ASB3: variants seen among roughly 807,000 people sequenced by gnomAD.
ASB3 encodes ankyrin repeat and SOCS box protein 3.
Under a neutral mutation model 54.5 loss-of-function variants are expected in ASB3, and 41 were observed. The ratio of observed to expected loss-of-function variants is 0.75; its 90% CI spans 0.59 to 0.98. The LOEUF is 0.98. Among genes scored for constraint, ASB3 ranks in the 50% least tolerant of loss-of-function variants. The pLI, the probability that ASB3 is intolerant of heterozygous loss-of-function variation, is 0.00. For synonymous variants in ASB3, 266 were observed against 221.2 expected, an observed-to-expected ratio of 1.20 and a Z score of -1.80; for missense variants, 733 against 620.0, an observed-to-expected ratio of 1.18 and a Z score of -1.94.
chr2:53,732,061 C>T (rs72901256), intron 3 of ASB3, among the ~76,000 whole-genome samples: 12,821 of 152,106 alleles, frequency 0.084, 603 homozygotes, highest in East Asian at 0.15. Context: ...GGGTTTCATG[C>T]GATTCTTCTG....
chr2:53,686,759 C>T (rs974404212), intron 9 of ASB3, among the ~76,000 whole-genome samples: 12 of 151,978 alleles, frequency 7.9e-5, no homozygotes, highest in Admixed American at 3.3e-4. Flanking sequence ...TCTTGTTGCC[C>T]GGGCTGGAGT....
rs1421388513 is a variant in ASB3 at position 53,670,486 on chromosome 2, T to A, written c.*17A>T. Reference sequence around the variant, plus strand: ...TTTCAGAGAAAAAAATTAGCTGTGTTAAGTAGTTTCACTGATTTATCCATC... The same window carrying A: ...TTTCAGAGAAAAAAATTAGCTGTGTAAAGTAGTTTCACTGATTTATCCATC... On this transcript the variant is annotated 3_prime_UTR_variant, in exon 10 of 10. Coordinates refer to ENST00000263634, the MANE Select transcript of ASB3 (RefSeq NM_016115.5). The A allele has an allele frequency of 6.2e-7, 1 of 1,609,756 alleles. No homozygotes were observed. The highest frequency in any genetic ancestry group is 1.1e-5 in the South Asian group (1 of 90,272).
intron 1 of ASB3, among the ~76,000 whole-genome samples, chr2:53,782,296 G>C (rs1265791040): frequency 6.6e-6 from 1 of 152,154 alleles, no homozygotes; most frequent in African/African-American, 2.4e-5. Context: ...ATTCATTCTG[G>C]AAGAGAAAGC....
chr2:53,744,869 A>G (rs1209519820), intron 3 of ASB3, among the ~76,000 whole-genome samples: 1 of 152,236 alleles, frequency 6.6e-6, no homozygotes, highest in Non-Finnish European at 1.5e-5. Flanking sequence ...TTACAGTTAA[A>G]TATTGAAATA....
chr2:53,784,177 G>GTATATTTAATTGTATAAT (rs1674808081), intron 1 of ASB3, among the ~76,000 whole-genome samples: 1 of 152,136 alleles, frequency 6.6e-6, no homozygotes, highest in Non-Finnish European at 1.5e-5. Context: ...TTACAATATG[G>GTATATTTAATTGTATAAT]TAAATAGTTG....
chr2:53,721,394 AC>A (rs1173862042), intron 5 of ASB3, among the ~76,000 whole-genome samples: 1 of 130,268 alleles, frequency 7.7e-6, no homozygotes. Flanking sequence ...TCTCTACTAA[AC>A]TACAAAAAAA....
intron 1 of ASB3, among the ~76,000 whole-genome samples, chr2:53,776,940 A>C (rs537459233): frequency 4.6e-5 from 7 of 152,256 alleles, no homozygotes; most frequent in African/African-American, 1.7e-4. Flanking sequence ...AAAATACCAA[A>C]ATTTTTCTTC....
At chr2:53,754,990 A>C (rs560172658) in intron 2 of ASB3, among the ~76,000 whole-genome samples, 1 of 152,256 alleles carries the variant, frequency 6.6e-6, no homozygotes, top group Non-Finnish European at 1.5e-5. Context: ...TCCCTTCTCT[A>C]CAGGGGTGCT....
intron 5 of ASB3, among the ~76,000 whole-genome samples, chr2:53,719,604 A>T (rs1447628746): frequency 2.6e-5 from 4 of 151,166 alleles, no homozygotes; most frequent in Admixed American, 2.0e-4. Flanking sequence ...TCACCCAGAG[A>T]CATTCCAACC....
At chr2:53,678,676 A>G (rs536562100) in intron 9 of ASB3, among the ~76,000 whole-genome samples, 1 of 152,312 alleles carries the variant, frequency 6.6e-6, no homozygotes, top group African/African-American at 2.4e-5. Flanking sequence ...TGGGCCATGT[A>G]TGCTAAGTGG....
intron 7 of ASB3, among the ~76,000 whole-genome samples, chr2:53,708,754 G>A (rs1669930633): frequency 6.6e-6 from 1 of 152,222 alleles, no homozygotes; most frequent in African/African-American, 2.4e-5. Context: ...CAAAGAACCT[G>A]AATGCACTGT....
intron 9 of ASB3, among the ~76,000 whole-genome samples, chr2:53,680,750 A>C (rs1292046952): frequency 6.6e-6 from 1 of 152,076 alleles, no homozygotes; most frequent in African/African-American, 2.4e-5. Flanking sequence ...ATACTCTTTC[A>C]CTTGTTGAAA....
intron 3 of ASB3, among the ~76,000 whole-genome samples, chr2:53,730,408 G>C (rs778346503): frequency 9.2e-5 from 14 of 152,148 alleles, no homozygotes; most frequent in Non-Finnish European, 1.8e-4. Flanking sequence ...AGGAAGGTAA[G>C]ACATGTATAA....
chr2:53,759,646 G>T (rs1673031524), intron 2 of ASB3, among the ~76,000 whole-genome samples: 1 of 152,146 alleles, frequency 6.6e-6, no homozygotes, highest in Non-Finnish European at 1.5e-5. Flanking sequence ...TCTGGAACAG[G>T]GAAAGGCTGG....
At chr2:53,727,062 A>C (rs1671042557) in intron 5 of ASB3, among the ~76,000 whole-genome samples, 1 of 152,210 alleles carries the variant, frequency 6.6e-6, no homozygotes, top group Admixed American at 6.5e-5. Flanking sequence ...TAGAAGGAAG[A>C]TCAGAAGTCA....
intron 4 of ASB3, 98 bp from the exon 5 acceptor site, chr2:53,728,945 C>G: frequency 7.4e-7 from 1 of 1,353,020 alleles, no homozygotes; most frequent in Non-Finnish European, 9.8e-7. Context: ...TATCCTCTCA[C>G]TAAAGGATAA....
chr2:53,701,279 A>T (rs1482377899), intron 7 of ASB3, among the ~76,000 whole-genome samples: 1 of 152,128 alleles, frequency 6.6e-6, no homozygotes, highest in Non-Finnish European at 1.5e-5. Flanking sequence ...TAATGGTATT[A>T]AAAAAAATTT....
intron 9 of ASB3, among the ~76,000 whole-genome samples, chr2:53,690,454 T>C (rs2103713671): frequency 6.6e-6 from 1 of 152,222 alleles, no homozygotes; most frequent in South Asian, 2.1e-4. Flanking sequence ...TGTACTTTGG[T>C]ATGATAACAA....
At chr2:53,715,445 C>T (rs1260295345) in intron 6 of ASB3, among the ~76,000 whole-genome samples, 1 of 152,138 alleles carries the variant, frequency 6.6e-6, no homozygotes, top group Non-Finnish European at 1.5e-5. Context: ...AACTTACACT[C>T]ACAAAAGGGG....
Sources: allele counts gnomAD v4.1 joint callset (sites outside exome capture counted in the v4.1 genomes callset), GRCh38; gene constraint gnomAD v4.1.1; transcripts MANE v1.5; gene names NCBI Gene and HGNC (gene_info 2026-07-23, HGNC 2026-07-21).